NR2F1-AS1: variants seen among roughly 807,000 people sequenced by gnomAD.
NR2F1-AS1 encodes NR2F1 antisense RNA 1.
At chr5:93,573,114 G>A (rs1752812852) in intron 1 of NR2F1-AS1, among the ~76,000 whole-genome samples, 1 of 152,234 alleles carries the variant, frequency 6.6e-6, no homozygotes, top group Non-Finnish European at 1.5e-5. Flanking sequence ...CACCAAGAAC[G>A]AGCTGTGCGT....
chr5:93,432,180 T>A (rs1164779916), intron 4 of NR2F1-AS1, among the ~76,000 whole-genome samples: 1 of 152,158 alleles, frequency 6.6e-6, no homozygotes, highest in Non-Finnish European at 1.5e-5. Context: ...TAAGACCTAG[T>A]CCATTATAAG....
intron 4 of NR2F1-AS1, among the ~76,000 whole-genome samples, chr5:93,449,443 A>G (rs1388747491): frequency 6.6e-6 from 1 of 152,178 alleles, no homozygotes; most frequent in Non-Finnish European, 1.5e-5. Flanking sequence ...AAAACCCAAT[A>G]GGAATGTATG....
chr5:93,447,021 T>C (rs1749726095), intron 4 of NR2F1-AS1, among the ~76,000 whole-genome samples: 1 of 152,108 alleles, frequency 6.6e-6, no homozygotes, highest in Admixed American at 6.6e-5. Context: ...TGAAACTGGA[T>C]CCCTTCCTTA....
chr5:93,418,508 C>T (rs1429120731), intron 4 of NR2F1-AS1, among the ~76,000 whole-genome samples: 1 of 152,014 alleles, frequency 6.6e-6, no homozygotes, highest in East Asian at 1.9e-4. Context: ...ATCGCTTGAA[C>T]CCAGGAGGCA....
At chr5:93,439,395 C>T (rs1449499182) in intron 4 of NR2F1-AS1, among the ~76,000 whole-genome samples, 2 of 152,148 alleles carry the variant, frequency 1.3e-5, no homozygotes, top group Non-Finnish European at 2.9e-5. Context: ...CCGGGGTTCA[C>T]GCCATTCTCC....
chr5:93,426,020 A>G lies in NR2F1-AS1; in HGVS notation n.639-30478T>C, dbSNP rs147471113. Among the ~76,000 whole-genome samples the G allele has an allele frequency of 4.0e-4, 61 of 151,904 alleles. No homozygotes were observed. In the East Asian group the frequency reaches 0.01, roughly 25 times the overall value. Reference sequence around the variant, plus strand: ...AAAACTGGCCTCATGAGTTAGCAGAACTAATTAGATCCATCTCACCTAATT... The same window carrying G: ...AAAACTGGCCTCATGAGTTAGCAGAGCTAATTAGATCCATCTCACCTAATT... On this transcript the variant is annotated intron_variant and non_coding_transcript_variant, in intron 4 of 5. Coordinates refer to ENST00000660523, the Ensembl canonical transcript of NR2F1-AS1.
intron 4 of NR2F1-AS1, among the ~76,000 whole-genome samples, chr5:93,503,220 G>A (rs149192505): frequency 1.3e-3 from 196 of 152,228 alleles, no homozygotes; most frequent in African/African-American, 4.4e-3. Flanking sequence ...TATTTCAAGT[G>A]ACATTAAACA....
intron 2 of NR2F1-AS1, among the ~76,000 whole-genome samples, chr5:93,559,742 A>G (rs1752443992): frequency 6.6e-6 from 1 of 152,234 alleles, no homozygotes; most frequent in South Asian, 2.1e-4. Context: ...TGATCAGTGG[A>G]GCAGTCAGAA....
chr5:93,561,000 A>G (rs990108140), intron 2 of NR2F1-AS1, among the ~76,000 whole-genome samples: 1 of 152,220 alleles, frequency 6.6e-6, no homozygotes, highest in African/African-American at 2.4e-5. Flanking sequence ...ATGGCCGGGC[A>G]TGGTGGCTCA....
At chr5:93,549,558 A>G (rs973738248) in intron 4 of NR2F1-AS1, among the ~76,000 whole-genome samples, 1 of 151,992 alleles carries the variant, frequency 6.6e-6, no homozygotes, top group Non-Finnish European at 1.5e-5. Context: ...CTCATATACA[A>G]TTTTTTTAAT....
intron 4 of NR2F1-AS1, among the ~76,000 whole-genome samples, chr5:93,510,815 T>A (rs1225137967): frequency 6.6e-6 from 1 of 152,172 alleles, no homozygotes; most frequent in African/African-American, 2.4e-5. Context: ...ATACAACTCT[T>A]AGTTACATCA....
chr5:93,523,469 C>T (rs185251645), intron 4 of NR2F1-AS1, among the ~76,000 whole-genome samples: 47 of 152,282 alleles, frequency 3.1e-4, no homozygotes, highest in Admixed American at 1.6e-3. Flanking sequence ...AAGAGAGCAG[C>T]GGATCTCCCA....
chr5:93,480,978 TA>T (rs1403647766), intron 4 of NR2F1-AS1, among the ~76,000 whole-genome samples: 8 of 151,908 alleles, frequency 5.3e-5, no homozygotes, highest in Non-Finnish European at 7.4e-5. Flanking sequence ...ACATGATATA[TA>T]GAAAATAAAT....
chr5:93,475,166 T>C (rs961242745), intron 4 of NR2F1-AS1, among the ~76,000 whole-genome samples: 9 of 151,980 alleles, frequency 5.9e-5, no homozygotes, highest in African/African-American at 2.2e-4. Flanking sequence ...CTGAAAATTT[T>C]AGTGTGTGTA....
At chr5:93,468,403 A>G (rs1451133021) in intron 4 of NR2F1-AS1, among the ~76,000 whole-genome samples, 1 of 152,208 alleles carries the variant, frequency 6.6e-6, no homozygotes, top group Non-Finnish European at 1.5e-5. Context: ...ATGACCAGTG[A>G]TCATGAGCAT....
Position 93,461,541 on chromosome 5 carries a change from C to T in NR2F1-AS1, n.639-65999G>A, listed in dbSNP as rs1009996203. ...TTCAGTCACCTGGGAAGAACAGGGG[C>T]TCAAAATAGAAACTGAGTTACAAAA... On this transcript the variant is annotated intron_variant and non_coding_transcript_variant, in intron 4 of 5. Coordinates refer to ENST00000660523, the Ensembl canonical transcript of NR2F1-AS1. 2.0e-5 allele frequency among the ~76,000 whole-genome samples: 3 copies of T among 152,096 alleles called. No homozygotes were observed. The East Asian group carries it at 5.8e-4, about 29-fold the overall frequency.
At chr5:93,521,432 A>G (rs1002980825) in intron 4 of NR2F1-AS1, among the ~76,000 whole-genome samples, 1 of 152,230 alleles carries the variant, frequency 6.6e-6, no homozygotes, top group African/African-American at 2.4e-5. Flanking sequence ...GACAACCTAC[A>G]GAATGGGAGA....
At chr5:93,563,051 T>C (rs1752530954) in intron 2 of NR2F1-AS1, among the ~76,000 whole-genome samples, 1 of 152,230 alleles carries the variant, frequency 6.6e-6, no homozygotes, top group Non-Finnish European at 1.5e-5. Flanking sequence ...GCTGTGTCAA[T>C]GGAAAATATA....
intron 4 of NR2F1-AS1, among the ~76,000 whole-genome samples, chr5:93,507,249 C>A (rs986220831): frequency 6.6e-6 from 1 of 152,162 alleles, no homozygotes; most frequent in Admixed American, 6.5e-5. Context: ...AAATCAGAAA[C>A]AAGATAAAAA....
Sources: gnomAD v4.1 joint callset for allele counts (sites outside exome capture counted in the v4.1 genomes callset) on GRCh38, gnomAD v4.1.1 for gene constraint, MANE v1.5 for transcripts, NCBI Gene and HGNC (gene_info 2026-07-23, HGNC 2026-07-21) for gene names.